Variants in PRELID2 observed in about 807,000 individuals in gnomAD.
PRELID2 encodes PRELI domain-containing protein 2.
PRELID2 carries 25 observed loss-of-function variants against 28.4 expected under a neutral mutation model. The observed-to-expected ratio is 0.88, with a 90% CI of 0.64 to 1.23. The LOEUF is 1.23. Among genes scored for constraint, PRELID2 ranks in the 50% most tolerant of loss-of-function variants. The probability of loss-of-function intolerance (pLI) is 0.00; values close to 1 mark genes in which losing one functional copy is unlikely to be tolerated. For missense variants in PRELID2, 201 were observed against 214.4 expected (o/e 0.94, Z 0.39); for synonymous variants, 76 against 71.6 (o/e 1.06, Z -0.31).
chr5:145,318,583 G>C, the PRELID2 span, among the ~76,000 whole-genome samples: 1 of 152,284 alleles, frequency 6.6e-6, no homozygotes, highest in Admixed American at 6.5e-5. Flanking sequence ...GTGCAACAGG[G>C]GTGTGGCTTG....
chr5:145,536,523 A>G (rs1315338748), intron 1 of PRELID2, among the ~76,000 whole-genome samples: 1 of 151,886 alleles, frequency 6.6e-6, no homozygotes, highest in African/African-American at 2.4e-5. Flanking sequence ...TGATCTTGCA[A>G]AATGTTCTAA....
At chr5:145,485,441 T>C (rs1752208267) in intron 1 of PRELID2, among the ~76,000 whole-genome samples, 1 of 152,200 alleles carries the variant, frequency 6.6e-6, no homozygotes, top group Admixed American at 6.5e-5. Context: ...CCACAGAACT[T>C]GAGATAATCT....
At chr5:145,793,011 T>C (rs1426726910) in intron 5 of PRELID2, among the ~76,000 whole-genome samples, 1 of 152,186 alleles carries the variant, frequency 6.6e-6, no homozygotes, top group Non-Finnish European at 1.5e-5. Context: ...CCACTCCGTT[T>C]CAAGGATACA....
chr5:145,305,922 T>C, the PRELID2 span, among the ~76,000 whole-genome samples: 2 of 152,294 alleles, frequency 1.3e-5, no homozygotes, highest in Middle Eastern at 3.4e-3. Context: ...AATGCAAAGA[T>C]GAATATGCTG....
intron 1 of PRELID2, among the ~76,000 whole-genome samples, chr5:145,595,696 A>T (rs1753295657): frequency 6.6e-6 from 1 of 152,174 alleles, no homozygotes; most frequent in African/African-American, 2.4e-5. Context: ...GTAGACTGTA[A>T]ATCAGACTCT....
intron 1 of PRELID2, chr5:145,728,799 G>C (rs926881752): frequency 9.2e-7 from 1 of 1,084,144 alleles, no homozygotes; most frequent in East Asian, 2.4e-5. Flanking sequence ...GAAGTTGTAC[G>C]TTCCAATCAT....
the PRELID2 span, among the ~76,000 whole-genome samples, chr5:145,236,102 T>C: frequency 6.6e-6 from 1 of 152,134 alleles, no homozygotes; most frequent in African/African-American, 2.4e-5. Flanking sequence ...TCCTGAAAGG[T>C]GCTTAGTTAC....
chr5:145,493,787 G>C (rs1210911911), intron 1 of PRELID2, among the ~76,000 whole-genome samples: 1 of 151,986 alleles, frequency 6.6e-6, no homozygotes, highest in Non-Finnish European at 1.5e-5. Context: ...CCATGATGAG[G>C]CTTCTCCTAA....
intron 1 of PRELID2, among the ~76,000 whole-genome samples, chr5:145,595,171 C>CACACACAT (rs1554078070): frequency 3.5e-4 from 53 of 149,514 alleles, no homozygotes; most frequent in African/African-American, 1.2e-3. Flanking sequence ...GACACACACA[C>CACACACAT]ACACACACAC....
chr5:145,629,147 A>G (rs1376778551), intron 1 of PRELID2, among the ~76,000 whole-genome samples: 1 of 152,188 alleles, frequency 6.6e-6, no homozygotes, highest in Admixed American at 6.5e-5. Flanking sequence ...GGAGCTTAGG[A>G]ACTGCTCCTA....
At chr5:145,639,868 T>G (rs1453124334) in intron 1 of PRELID2, among the ~76,000 whole-genome samples, 2 of 152,154 alleles carry the variant, frequency 1.3e-5, no homozygotes, top group Non-Finnish European at 2.9e-5. Context: ...TGAATTTTGT[T>G]TTTTCTCTTT....
At chr5:145,257,522 G>A in the PRELID2 span, among the ~76,000 whole-genome samples, 1 of 151,998 alleles carries the variant, frequency 6.6e-6, no homozygotes, top group South Asian at 2.1e-4. Context: ...TTTCATGAAA[G>A]CAATAAAGAC....
intron 1 of PRELID2, among the ~76,000 whole-genome samples, chr5:145,747,483 T>C (rs754167027): frequency 2.0e-5 from 3 of 152,060 alleles, no homozygotes; most frequent in Admixed American, 1.3e-4. Flanking sequence ...CAGGAAGAAG[T>C]TGAATCCCTG....
chr5:145,333,094 C>T, the PRELID2 span, among the ~76,000 whole-genome samples: 1 of 152,214 alleles, frequency 6.6e-6, no homozygotes, highest in East Asian at 1.9e-4. Flanking sequence ...GTATCACCAG[C>T]AGGGGCTGCA....
At chr5:145,774,589 A>T (rs1165445625) in intron 5 of PRELID2, among the ~76,000 whole-genome samples, 2 of 152,184 alleles carry the variant, frequency 1.3e-5, no homozygotes, top group Non-Finnish European at 2.9e-5. Context: ...ACCTCCCCAC[A>T]TTCAGCTAGA....
chr5:145,351,231 C>G, the PRELID2 span, among the ~76,000 whole-genome samples: 1 of 152,124 alleles, frequency 6.6e-6, no homozygotes, highest in Non-Finnish European at 1.5e-5. Flanking sequence ...TGTTCTCACA[C>G]TGCTATGAAG....
the PRELID2 span, among the ~76,000 whole-genome samples, chr5:145,286,520 C>T: frequency 0.016 from 2,370 of 152,110 alleles, 26 homozygotes; most frequent in Non-Finnish European, 0.023. Flanking sequence ...CATATTGAGT[C>T]GGATTGAAAT....
At chr5:145,831,575 G>T (rs1755590634) in intron 1 of PRELID2, among the ~76,000 whole-genome samples, 1 of 152,154 alleles carries the variant, frequency 6.6e-6, no homozygotes, top group African/African-American at 2.4e-5. Context: ...CCAGCAAATG[G>T]GTTTACTGAC....
intron 1 of PRELID2, among the ~76,000 whole-genome samples, chr5:145,661,777 T>C (rs941635890): frequency 6.6e-6 from 1 of 151,636 alleles, no homozygotes; most frequent in African/African-American, 2.4e-5. Context: ...AGTCAACAAG[T>C]TAAGAGAAAA....
Sources: gnomAD v4.1 joint callset for allele counts (sites outside exome capture counted in the v4.1 genomes callset) on GRCh38, gnomAD v4.1.1 for gene constraint, MANE v1.5 for transcripts, NCBI Gene and HGNC (gene_info 2026-07-23, HGNC 2026-07-21) for gene names.